The following EXOC4 variants were observed in gnomAD, a reference collection of about 807,000 sequenced individuals.
The protein encoded by EXOC4 is SEC8-like 1.
Under a neutral mutation model 107.2 loss-of-function variants are expected in EXOC4, and 71 were observed. The ratio of observed to expected loss-of-function variants is 0.66; its 90% CI spans 0.55 to 0.81. EXOC4 has a LOEUF of 0.81. EXOC4 is among the 30% of genes least tolerant of loss of function. EXOC4 has a pLI of 0.00. For missense variants in EXOC4, 1,108 were observed against 1,189.6 expected (o/e 0.93, Z 1.01); for synonymous variants, 456 against 441.2 (o/e 1.03, Z -0.42).
Position 133,737,909 on chromosome 7 carries a change from CTTTTTT to C in EXOC4, c.1515-79401_1515-79396del, listed in dbSNP as rs10673346. ...TTTTTGTGCCTCTTGATTTTTCTTT[CTTTTTT>C]TTTTTTTTTTTTTTGAGACGGGGTC... is the stretch of plus-strand genomic sequence containing the variant. On this transcript the variant is annotated intron_variant, in intron 10 of 17. Coordinates refer to ENST00000253861, the MANE Select transcript of EXOC4 (RefSeq NM_021807.4). Among the ~76,000 whole-genome samples the C allele has an allele frequency of 1.2e-4, 11 of 89,328 alleles. No homozygotes were observed. In the South Asian group the frequency reaches 1.8e-3, roughly 15 times the overall value. 58.6% of individuals were successfully genotyped at this position (89,328 alleles called of 152,430 possible). A position where few individuals can be genotyped will look rare whatever the true frequency, so the allele number is the denominator to read the frequency against.
At chr7:133,945,922 A>G (rs894401016) in intron 14 of EXOC4, among the ~76,000 whole-genome samples, 3 of 152,094 alleles carry the variant, frequency 2.0e-5, no homozygotes, top group Non-Finnish European at 4.4e-5. Context: ...CCTACCCAAG[A>G]TCTCTTGGGA....
At chr7:134,043,926 T>G (rs1000683525) in intron 17 of EXOC4, among the ~76,000 whole-genome samples, 1 of 152,204 alleles carries the variant, frequency 6.6e-6, no homozygotes, top group African/African-American at 2.4e-5. Flanking sequence ...CCAACACAGT[T>G]GTGCTAATTG....
At chr7:133,278,867 G>T (rs950307360) in intron 2 of EXOC4, among the ~76,000 whole-genome samples, 4 of 151,960 alleles carry the variant, frequency 2.6e-5, no homozygotes, top group Admixed American at 2.0e-4. Context: ...TGTGCACAAC[G>T]TGCAGGTTTG....
intron 9 of EXOC4, among the ~76,000 whole-genome samples, chr7:133,583,024 C>T (rs1801314664): frequency 6.6e-6 from 1 of 152,208 alleles, no homozygotes; most frequent in Admixed American, 6.5e-5. Context: ...ATGCATGCTT[C>T]ACATTTAAAG....
At position 133,824,246 on chromosome 7, in the gene EXOC4, G is replaced by A. The variant is rs77557847; in HGVS notation, c.1734+6702G>A. 4.0e-3 allele frequency among the ~76,000 whole-genome samples: 605 copies of A among 151,904 alleles called. 1 individual carries two copies. The highest frequency in any genetic ancestry group is 0.01 in the Middle Eastern group (3 of 294). ...GGGTCACCTGTGAGCAGGTCTCTGC[G>A]TTGACTGCTTTGATGTGTTACCTGC... is the stretch of plus-strand genomic sequence containing the variant. On this transcript the variant is annotated intron_variant, in intron 11 of 17. Coordinates refer to ENST00000253861, the MANE Select transcript of EXOC4 (RefSeq NM_021807.4).
chr7:133,990,806 C>T (rs947556407), intron 14 of EXOC4, among the ~76,000 whole-genome samples: 2 of 152,100 alleles, frequency 1.3e-5, no homozygotes, highest in Admixed American at 6.5e-5. Flanking sequence ...ATATCTACCA[C>T]ATTTTCTTCC....
chr7:133,482,544 C>T (rs1048085627), intron 9 of EXOC4, among the ~76,000 whole-genome samples: 1 of 152,118 alleles, frequency 6.6e-6, no homozygotes, highest in Admixed American at 6.6e-5. Context: ...TCTTGAGAGA[C>T]AGTATAGGGT....
intron 10 of EXOC4, among the ~76,000 whole-genome samples, chr7:133,721,546 A>T (rs1474860296): frequency 6.6e-6 from 1 of 152,212 alleles, no homozygotes; most frequent in Non-Finnish European, 1.5e-5. Flanking sequence ...AGAAAAATCC[A>T]GATAAAATAT....
chr7:133,404,104 TTTG>T (rs2150735763), intron 7 of EXOC4, among the ~76,000 whole-genome samples: 1 of 152,198 alleles, frequency 6.6e-6, no homozygotes, highest in East Asian at 1.9e-4. Context: ...TTAACTTTTT[TTTG>T]TTTGTTTGTT....
intron 17 of EXOC4, among the ~76,000 whole-genome samples, chr7:134,055,551 TC>T (rs1282194134): frequency 1.3e-5 from 2 of 152,156 alleles, no homozygotes; most frequent in African/African-American, 2.4e-5. Context: ...CACTGACTGT[TC>T]TCCTCACACA....
chr7:133,682,253 T>C (rs766835897), intron 10 of EXOC4, among the ~76,000 whole-genome samples: 3 of 152,204 alleles, frequency 2.0e-5, no homozygotes, highest in Non-Finnish European at 4.4e-5. Flanking sequence ...TTTTATATTA[T>C]CATTTACCAA....
intron 4 of EXOC4, 130 bp from the exon 5 acceptor site, chr7:133,317,154 A>T (rs1383282503): frequency 1.3e-4 from 88 of 662,916 alleles, no homozygotes; most frequent in Non-Finnish European, 2.5e-5. Flanking sequence ...TATAGTATAT[A>T]CTGGGGAGAT....
chr7:133,379,602 A>G (rs1796568175), intron 7 of EXOC4, among the ~76,000 whole-genome samples: 1 of 152,070 alleles, frequency 6.6e-6, no homozygotes, highest in Non-Finnish European at 1.5e-5. Flanking sequence ...GTTATGGACT[A>G]TGTAATTTTA....
chr7:133,527,437 G>C (rs1460138642), intron 9 of EXOC4, among the ~76,000 whole-genome samples: 1 of 151,964 alleles, frequency 6.6e-6, no homozygotes, highest in Non-Finnish European at 1.5e-5. Context: ...ATAAAAATAT[G>C]TATTTCAGTC....
At chr7:133,897,261 C>A (rs1339113978) in intron 12 of EXOC4, among the ~76,000 whole-genome samples, 2 of 151,974 alleles carry the variant, frequency 1.3e-5, no homozygotes, top group Non-Finnish European at 2.9e-5. Context: ...ACAAATTAAA[C>A]AACAACCATC....
intron 3 of EXOC4, among the ~76,000 whole-genome samples, chr7:133,297,380 C>T (rs541831713): frequency 2.6e-5 from 4 of 152,070 alleles, no homozygotes; most frequent in Non-Finnish European, 2.9e-5. Context: ...ATATGACCTA[C>T]TGCAGGGATT....
At chr7:133,808,116 G>T (rs1797123127) in intron 10 of EXOC4, among the ~76,000 whole-genome samples, 1 of 152,100 alleles carries the variant, frequency 6.6e-6, no homozygotes, top group African/African-American at 2.4e-5. Flanking sequence ...TCTCCTACGG[G>T]TATGGGCTGA....
At chr7:133,435,038 T>C (rs1458305623) in intron 7 of EXOC4, among the ~76,000 whole-genome samples, 2 of 152,200 alleles carry the variant, frequency 1.3e-5, no homozygotes, top group African/African-American at 2.4e-5. Flanking sequence ...AAAGATTGTA[T>C]TTTAACATCT....
intron 11 of EXOC4, among the ~76,000 whole-genome samples, chr7:133,883,163 C>G (rs1481445658): frequency 6.6e-6 from 1 of 152,144 alleles, no homozygotes; most frequent in Non-Finnish European, 1.5e-5. Flanking sequence ...ACCTTTGGGT[C>G]AGACTACTTT....
Sources: gnomAD v4.1 joint callset for allele counts (sites outside exome capture counted in the v4.1 genomes callset) on GRCh38, gnomAD v4.1.1 for gene constraint, MANE v1.5 for transcripts, NCBI Gene and HGNC (gene_info 2026-07-23, HGNC 2026-07-21) for gene names.